The following NCAM2 variants were observed in gnomAD, a reference collection of about 807,000 sequenced individuals.
NCAM2 encodes the protein neural cell adhesion molecule 2, also known as N-CAM-2.
Under a neutral mutation model 98.1 loss-of-function variants are expected in NCAM2, and 30 were observed. That is an observed-to-expected ratio of 0.31 (90% CI 0.23 to 0.41). NCAM2 has a LOEUF of 0.41. Among genes scored for constraint, NCAM2 ranks in the 10% least tolerant of loss-of-function variants. NCAM2 has a pLI of 1.00. For synonymous variants in NCAM2, 368 were observed against 342.4 expected, an observed-to-expected ratio of 1.07 and a Z score of -0.83; for missense variants, 867 against 1,005.8, an observed-to-expected ratio of 0.86 and a Z score of 1.87.
intron 1 of NCAM2, among the ~76,000 whole-genome samples, chr21:21,202,934 G>C (rs10482917): frequency 0.029 from 4,384 of 151,902 alleles, 227 homozygotes; most frequent in African/African-American, 0.1. Context: ...TTTTTATCAG[G>C]GTATATCAGA....
intron 4 of NCAM2, among the ~76,000 whole-genome samples, chr21:21,288,785 T>G (rs2073191271): frequency 6.6e-6 from 1 of 151,950 alleles, no homozygotes; most frequent in Non-Finnish European, 1.5e-5. Flanking sequence ...CAGATATATT[T>G]ATTTTGCCAT....
chr21:21,530,299 TAAA>T (rs1569142095), intron 16 of NCAM2, among the ~76,000 whole-genome samples: 1,735 of 102,460 alleles, frequency 0.017, 69 homozygotes, highest in African/African-American at 0.056. Flanking sequence ...TATATATAAT[TAAA>T]TTAAATTATA....
chr21:21,181,518 G>A (rs2068467985), intron 1 of NCAM2, among the ~76,000 whole-genome samples: 1 of 152,104 alleles, frequency 6.6e-6, no homozygotes, highest in South Asian at 2.1e-4. Flanking sequence ...TTAAAATAAA[G>A]TCTTATTTCT....
At chr21:21,400,698 G>A (rs1010658310) in intron 9 of NCAM2, among the ~76,000 whole-genome samples, 2 of 150,624 alleles carry the variant, frequency 1.3e-5, no homozygotes, top group Admixed American at 1.3e-4. Flanking sequence ...TGATTCTCAT[G>A]CCTCAGCCTC....
chr21:21,394,520 G>A (rs13046550), intron 9 of NCAM2, among the ~76,000 whole-genome samples: 8 of 103,940 alleles, frequency 7.7e-5, no homozygotes, highest in African/African-American at 1.9e-4. Context: ...ACAGAGTTGC[G>A]CTCTGTTGCC....
At chr21:21,058,969 A>G (rs1193506398) in intron 1 of NCAM2, among the ~76,000 whole-genome samples, 1 of 152,132 alleles carries the variant, frequency 6.6e-6, no homozygotes, top group Non-Finnish European at 1.5e-5. Flanking sequence ...AAAGTATGGC[A>G]TTCATAGCTG....
At chr21:21,201,630 A>G (rs1207765085) in intron 1 of NCAM2, among the ~76,000 whole-genome samples, 2 of 152,210 alleles carry the variant, frequency 1.3e-5, no homozygotes, top group African/African-American at 4.8e-5. Context: ...ACTTGGGTAC[A>G]CAATGTAGTT....
chr21:21,039,894 G>A (rs2064869399), intron 1 of NCAM2, among the ~76,000 whole-genome samples: 1 of 152,128 alleles, frequency 6.6e-6, no homozygotes, highest in South Asian at 2.1e-4. Context: ...ATTAACTAGA[G>A]TTATTATATT....
In NCAM2 at chr21:21,385,498, C is replaced by A. The variant is rs148480841; in HGVS notation, c.1195+11485C>A. On this transcript the variant is annotated intron_variant, in intron 9 of 17. Coordinates refer to ENST00000400546, the MANE Select transcript of NCAM2 (RefSeq NM_004540.5). ...CTGCTAAGAGTGAGTAGAAAAGAGTCAAACCATTTATAATTTGATAGAAGC... is the reference window on the plus strand; with the variant it reads ...CTGCTAAGAGTGAGTAGAAAAGAGTAAAACCATTTATAATTTGATAGAAGC... 2,401 of 507,110 alleles carry A rather than the reference C, an allele frequency of 4.7e-3. 51 individuals carry two copies. The highest frequency in any genetic ancestry group is 0.042 in the African/African-American group (2,129 of 50,598). The allele number at this position is 507,110 out of a possible 1,614,324, so 31.4% of individuals were successfully genotyped here.
chr21:21,344,644 G>T (rs1313290575), intron 8 of NCAM2, among the ~76,000 whole-genome samples: 6 of 152,114 alleles, frequency 3.9e-5, no homozygotes, highest in Non-Finnish European at 7.4e-5. Context: ...TAAGGTTTTA[G>T]ACCTCTAGTC....
intron 1 of NCAM2, among the ~76,000 whole-genome samples, chr21:21,138,019 C>T (rs1569064637): frequency 6.6e-6 from 1 of 152,108 alleles, no homozygotes; most frequent in Non-Finnish European, 1.5e-5. Context: ...CAGCTTATTA[C>T]CATCTCCTCT....
chr21:21,341,973 G>A (rs867803006), intron 8 of NCAM2, among the ~76,000 whole-genome samples: 2 of 152,066 alleles, frequency 1.3e-5, no homozygotes, highest in African/African-American at 2.4e-5. Flanking sequence ...AAGAAAAAAA[G>A]GAGTGGTTAG....
intron 12 of NCAM2, among the ~76,000 whole-genome samples, chr21:21,433,611 C>T (rs899703211): frequency 2.0e-5 from 3 of 151,402 alleles, no homozygotes; most frequent in African/African-American, 7.3e-5. Flanking sequence ...GATGTGGTGG[C>T]AGGCACCTGT....
rs1179780562 is a variant in NCAM2, at chr21:21,488,435, GAATT to G, written c.2077+10967_2077+10970del. Among the ~76,000 whole-genome samples the G allele has an allele frequency of 6.6e-5, 10 of 151,850 alleles. No homozygotes were observed. The East Asian group carries it at 1.4e-3, about 21-fold the overall frequency. Reference sequence around the variant, plus strand: ...TAAATGAAATATATTGTACAAGAAAGAATTAAACCATGAACTTTTGGATCTGGAG... The same window carrying G: ...TAAATGAAATATATTGTACAAGAAAGAAACCATGAACTTTTGGATCTGGAG... On this transcript the variant is annotated intron_variant, in intron 15 of 17. Transcript: ENST00000400546.
intron 1 of NCAM2, among the ~76,000 whole-genome samples, chr21:21,026,825 C>A (rs1568940896): frequency 6.6e-6 from 1 of 150,828 alleles, no homozygotes; most frequent in Non-Finnish European, 1.5e-5. Flanking sequence ...AGATTTTTAA[C>A]CATGGCAAAT....
At chr21:21,450,302 TTGTG>T (rs144156360) in intron 12 of NCAM2, among the ~76,000 whole-genome samples, 4 of 148,166 alleles carry the variant, frequency 2.7e-5, no homozygotes, top group African/African-American at 4.9e-5. Context: ...GTGTGTGTGT[TTGTG>T]TGTGTGTGTG....
chr21:21,286,486 T>A, intron 4 of NCAM2, 74 bp downstream of exon 4: 1 of 1,463,458 alleles, frequency 6.8e-7, no homozygotes, highest in East Asian at 2.3e-5. Context: ...AATCTATGTG[T>A]CTAGTTGTAG....
At chr21:21,233,746 A>G (rs1267424112) in intron 1 of NCAM2, among the ~76,000 whole-genome samples, 2 of 151,740 alleles carry the variant, frequency 1.3e-5, no homozygotes, top group African/African-American at 4.8e-5. Context: ...AAATGCTGAA[A>G]TTCAATAACG....
At chr21:21,440,468 G>A (rs1979067616) in intron 12 of NCAM2, among the ~76,000 whole-genome samples, 1 of 152,074 alleles carries the variant, frequency 6.6e-6, no homozygotes, top group Non-Finnish European at 1.5e-5. Context: ...GACTGCTTGA[G>A]CTCAGGAGTT....
Sources: gnomAD v4.1 joint callset for allele counts (sites outside exome capture counted in the v4.1 genomes callset) on GRCh38, gnomAD v4.1.1 for gene constraint, MANE v1.5 for transcripts, NCBI Gene and HGNC (gene_info 2026-07-23, HGNC 2026-07-21) for gene names.